The following NAE1 variants were observed in gnomAD, a reference collection of about 807,000 sequenced individuals.
NAE1 encodes NEDD8 activating enzyme E1 subunit 1.
In NAE1, 59 loss-of-function variants were observed where a neutral mutation model predicts 88.0. That is an observed-to-expected ratio of 0.67 (90% CI 0.54 to 0.83). The LOEUF (loss-of-function observed/expected upper bound fraction) is 0.83. Among genes scored for constraint, NAE1 ranks in the 40% least tolerant of loss-of-function variants. The pLI is 0.00. For missense variants in NAE1, 554 were observed against 632.8 expected, an observed-to-expected ratio of 0.88 and a Z score of 1.34; for synonymous variants, 186 against 208.9, an observed-to-expected ratio of 0.89 and a Z score of 0.95.
intron 5 of NAE1, 38 bp downstream of exon 5, chr16:66,823,491 A>AT (rs1960346759): frequency 6.5e-7 from 1 of 1,538,576 alleles, no homozygotes; most frequent in Admixed American, 1.9e-5. Context: ...AAAAAATTGT[A>AT]TTTCAGCACA....
intron 1 of NAE1, chr16:66,828,138 G>A: frequency 8.2e-7 from 1 of 1,215,284 alleles, no homozygotes. Context: ...GCACGTAGAA[G>A]ACACCTGACA....
chr16:66,822,682 T>TTA (rs1567495465), intron 6 of NAE1, among the ~76,000 whole-genome samples: 22 of 149,526 alleles, frequency 1.5e-4, no homozygotes, highest in African/African-American at 4.6e-4. Flanking sequence ...TTATTTTTTT[T>TTA]TTTTGAGACA....
At chr16:66,829,953 T>G (rs1386591460) in intron 1 of NAE1, among the ~76,000 whole-genome samples, 1 of 152,008 alleles carries the variant, frequency 6.6e-6, no homozygotes, top group Non-Finnish European at 1.5e-5. Context: ...TGGCACGATC[T>G]CGGCTCCCTG....
intron 7 of NAE1, 61 bp downstream of exon 7, chr16:66,821,389 C>G: frequency 7.1e-7 from 1 of 1,413,712 alleles, no homozygotes; most frequent in Non-Finnish European, 9.3e-7. Context: ...TCTAAATTGT[C>G]AAGTTTCTAA....
At chr16:66,805,135 C>A (rs1409636806) in intron 19 of NAE1, among the ~76,000 whole-genome samples, 2 of 151,844 alleles carry the variant, frequency 1.3e-5, no homozygotes, top group African/African-American at 4.8e-5. Context: ...CACAGAGGAG[C>A]AAAGATCTAG....
intron 13 of NAE1, among the ~76,000 whole-genome samples, chr16:66,812,580 C>A (rs575643376): frequency 6.9e-5 from 10 of 145,670 alleles, no homozygotes; most frequent in Non-Finnish European, 1.3e-4. Context: ...TGCAGTGGCA[C>A]GATCTTGGCT....
chr16:66,803,187 T>G, intron 19 of NAE1, 69 bp from the exon 20 acceptor site: 6 of 1,075,738 alleles, frequency 5.6e-6, no homozygotes, highest in Non-Finnish European at 6.9e-6. Context: ...CTCAATTCTG[T>G]AAAGAAACTT....
chr16:66,813,855 G>T lies in NAE1; in HGVS notation c.841-9C>A. On this transcript the variant is annotated splice_polypyrimidine_tract_variant and intron_variant, in intron 11 of 19. Transcript: ENST00000290810. ...TCAATACTGCTTGGGATCTAACAAA[G>T]GAACATGAAACATTTACTTACACAG... The T allele has an allele frequency of 6.2e-7, 1 of 1,609,788 alleles. No individual in the cohort carries two copies. Among genetic ancestry groups the T allele is most frequent in the Non-Finnish European group, 8.5e-7 (1 of 1,177,440 alleles).
At chr16:66,821,915 G>C (rs1275421283) in intron 6 of NAE1, among the ~76,000 whole-genome samples, 1 of 152,116 alleles carries the variant, frequency 6.6e-6, no homozygotes, top group Non-Finnish European at 1.5e-5. Flanking sequence ...TGTTGCCCAG[G>C]CTGGAGTGCA....
At chr16:66,807,924 A>G (rs1272790945) in intron 17 of NAE1, among the ~76,000 whole-genome samples, 1 of 148,028 alleles carries the variant, frequency 6.8e-6, no homozygotes, top group East Asian at 2.0e-4. Context: ...TTTTTTTTTG[A>G]GACAGTCTCA....
chr16:66,821,548 C>A lies in NAE1; in HGVS notation c.413G>T (p.Arg138Leu). 6.3e-7 allele frequency: 1 copy of A among 1,580,544 alleles called. No individual in the cohort carries two copies. Among genetic ancestry groups the A allele is most frequent in the South Asian group, 1.2e-5 (1 of 84,200 alleles). ...ATQLPESTSL[R>L]LADVLWNSQI... is the part of the protein sequence containing the mutation. ...GGAATTCCAGAGGACATCTGCTAAG[C>A]GTAGTGAAGTGCTGTTTAAAAAAAA... Residue 138 changes from arginine (R) to leucine (L), a missense_variant, in exon 7 of 20, where the codon CGC becomes CTC. Transcript: ENST00000290810.
At chr16:66,814,643 G>T (rs1475414340) in intron 11 of NAE1, among the ~76,000 whole-genome samples, 1 of 150,516 alleles carries the variant, frequency 6.6e-6, no homozygotes, top group Admixed American at 6.6e-5. Flanking sequence ...CATAGGCTTG[G>T]ATTCTACTGA....
At chr16:66,811,306 C>T (rs935557079) in intron 13 of NAE1, among the ~76,000 whole-genome samples, 14 of 152,110 alleles carry the variant, frequency 9.2e-5, no homozygotes, top group Admixed American at 4.6e-4. Flanking sequence ...TTCAGGCACA[C>T]GCTACCATGC....
chr16:66,826,359 ATGC>A (rs752467552), intron 3 of NAE1, 161 bp downstream of exon 3: 9 of 627,842 alleles, frequency 1.4e-5, no homozygotes, highest in Non-Finnish European at 2.2e-5. Flanking sequence ...TATTTGCCAG[ATGC>A]TGTACTAGCA....
rs762116286 is a variant in NAE1, at chr16:66,805,972, G to C, written c.1385C>G (p.Thr462Ser). ...EDIGKLKSCL[T>S]GFLQEYGLSV... ...TAAACCATATTCCTGAAGGAAGCCA[G>C]TGAGACAAGACTTCAACTTTCCTAT... is the stretch of plus-strand genomic sequence containing the variant. Residue 462 changes from threonine to serine, a missense_variant, in exon 18 of 20, where the codon ACT becomes AGT. By Grantham distance (58) the Thr-to-Ser change is moderately conservative (BLOSUM62 1). Coordinates refer to ENST00000290810, the MANE Select transcript of NAE1 (RefSeq NM_003905.4). 2.5e-6 allele frequency: 4 copies of C among 1,613,518 alleles called. No individual in the cohort carries two copies. In the South Asian group the frequency reaches 4.4e-5, roughly 18 times the overall value.
chr16:66,803,100 A>C lies in NAE1; in HGVS notation c.1514T>G (p.Val505Gly), dbSNP rs763440481. Residue 505 changes from valine to glycine, a missense_variant, in exon 20 of 20, where the codon GTC (valine) becomes GGC (glycine). Coordinates refer to ENST00000290810, the MANE Select transcript of NAE1 (RefSeq NM_003905.4). ...AFLGGAAAQE[V>G]IKIITKQFVI... ...AAATTGTTTGGTGATTATTTTGATGACCTCTTGAGCAGCAGCTCCTGAAAG... is the reference window on the plus strand; with the variant it reads ...AAATTGTTTGGTGATTATTTTGATGCCCTCTTGAGCAGCAGCTCCTGAAAG... The C allele has an allele frequency of 1.2e-6, 2 of 1,609,162 alleles. No homozygotes were observed. Among genetic ancestry groups the C allele is most frequent in the Non-Finnish European group, 1.7e-6 (2 of 1,176,676 alleles).
chr16:66,806,177 A>G, intron 17 of NAE1, 151 bp from the exon 18 acceptor site: 1 of 884,244 alleles, frequency 1.1e-6, no homozygotes, highest in East Asian at 2.9e-5. Context: ...ATTTGCACAT[A>G]TCACAAACCT....
Position 66,816,992 on chromosome 16 carries a change from CT to C in NAE1, c.720del (p.Glu241ArgfsTer6). Reference protein sequence around the residue: ...NGRIPKTYKEKEDFRDLIRQG... With the variant: ...NGRIPKTYKEXEDFRDLIRQG... ...TGTCTAATCAAATCTCTGAAGTCCTCTTTTTCTTTATACGTTTTAGGTATTC... is the reference window on the plus strand; with the variant it reads ...TGTCTAATCAAATCTCTGAAGTCCTCTTTTCTTTATACGTTTTAGGTATTC... On this transcript the variant is annotated frameshift_variant, in exon 10 of 20. Transcript: ENST00000290810. LOFTEE classifies it high-confidence loss of function. The C allele has an allele frequency of 1.2e-6, 2 of 1,600,692 alleles. No homozygotes were observed. Among genetic ancestry groups the C allele is most frequent in the Non-Finnish European group, 8.5e-7 (1 of 1,176,552 alleles).
intron 7 of NAE1, among the ~76,000 whole-genome samples, chr16:66,820,206 C>G (rs749221242): frequency 2.0e-5 from 3 of 152,194 alleles, no homozygotes; most frequent in Non-Finnish European, 4.4e-5. Flanking sequence ...TAGCAGAGTG[C>G]TTGGCTCATA....
Sources: gnomAD v4.1 joint callset for allele counts (sites outside exome capture counted in the v4.1 genomes callset) on GRCh38, gnomAD v4.1.1 for gene constraint, MANE v1.5 for transcripts, NCBI Gene and HGNC (gene_info 2026-07-23, HGNC 2026-07-21) for gene names.